RFTN1: variants seen among roughly 807,000 people sequenced by gnomAD.
RFTN1 encodes raftlin, lipid raft linker 1.
Under a neutral mutation model 46.5 loss-of-function variants are expected in RFTN1, and 26 were observed. The observed-to-expected ratio is 0.56, with a 90% CI of 0.41 to 0.78. RFTN1 has a LOEUF of 0.78. RFTN1 is among the 30% of genes least tolerant of loss of function. The pLI is 0.00. For synonymous variants in RFTN1, 261 were observed against 284.2 expected, an observed-to-expected ratio of 0.92 and a Z score of 0.82; for missense variants, 693 against 718.7, an observed-to-expected ratio of 0.96 and a Z score of 0.41.
At position 16,466,852 on chromosome 3, in the gene RFTN1, CAGTG is replaced by C. The variant is rs1411845484; in HGVS notation, c.145+26869_145+26872del. ...ATGGAAGGCAGTCCATCTTTCTAGA[CAGTG>C]AGTATCTAATACAAGTCAAGACACA... is the stretch of plus-strand genomic sequence containing the variant. On this transcript the variant is annotated intron_variant, in intron 2 of 9. Coordinates refer to ENST00000334133, the MANE Select transcript of RFTN1 (RefSeq NM_015150.2). The surrounding 1 kb of genome is among the most constrained non-coding windows in gnomAD (Gnocchi z 5.6). Among the ~76,000 whole-genome samples, 1 of 152,068 alleles carries C rather than the reference CAGTG, an allele frequency of 6.6e-6. No homozygotes were observed. Among genetic ancestry groups the C allele is most frequent in the African/African-American group, 2.4e-5 (1 of 41,416 alleles).
At chr3:16,485,649 G>C (rs547880547) in intron 2 of RFTN1, among the ~76,000 whole-genome samples, 36 of 152,364 alleles carry the variant, frequency 2.4e-4, no homozygotes, top group African/African-American at 8.7e-4. Flanking sequence ...GGCACCTGAG[G>C]GAACTTTCTG....
rs2072842406 is a variant in RFTN1, at chr3:16,361,681, T to C, written c.1031-3634A>G. Among the ~76,000 whole-genome samples the C allele has an allele frequency of 6.6e-6, 1 of 152,104 alleles. No homozygotes were observed. The highest frequency in any genetic ancestry group is 1.5e-5 in the Non-Finnish European group (1 of 68,018). On this transcript the variant is annotated intron_variant, in intron 6 of 9. Transcript: ENST00000334133. This position sits in a 1 kb window ranked among gnomAD's most constrained non-coding sequence, Gnocchi z 4.3. ...AGGAGAGAAGGTGGTTAAGACTAAA[T>C]TGACTGGTGGGGAGGCCAGCCACTT...
intron 4 of RFTN1, among the ~76,000 whole-genome samples, chr3:16,392,061 T>C (rs573536533): frequency 6.6e-6 from 1 of 152,040 alleles, no homozygotes; most frequent in Non-Finnish European, 1.5e-5. Context: ...GTTTCAATAA[T>C]TGAGTATCTC....
In RFTN1 at chr3:16,321,161, G is replaced by C. The variant is rs1031370304; in HGVS notation, c.1332+2215C>G. 6.6e-6 allele frequency among the ~76,000 whole-genome samples: 1 copy of C among 152,110 alleles called. No individual in the cohort carries two copies. Among genetic ancestry groups the C allele is most frequent in the Admixed American group, 6.5e-5 (1 of 15,280 alleles). Reference sequence around the variant, plus strand: ...TAGGGTGGCGGTTGGCCAGGTGGGCGAGGTATGGGGAGGGGGACAGTCATA... The same window carrying C: ...TAGGGTGGCGGTTGGCCAGGTGGGCCAGGTATGGGGAGGGGGACAGTCATA... On this transcript the variant is annotated intron_variant, in intron 9 of 9. Coordinates refer to ENST00000334133, the MANE Select transcript of RFTN1 (RefSeq NM_015150.2). The surrounding 1 kb of genome is among the most constrained non-coding windows in gnomAD (Gnocchi z 4.8).
chr3:16,364,108 T>A (rs1258855304), intron 6 of RFTN1, among the ~76,000 whole-genome samples: 4 of 152,218 alleles, frequency 2.6e-5, no homozygotes, highest in African/African-American at 9.6e-5. Flanking sequence ...ATTCTCAATT[T>A]GAGGCAATGA....
In RFTN1 at chr3:16,335,570, A is replaced by C. The variant is rs1418535549; in HGVS notation, c.1147-8694T>G. 2.0e-5 allele frequency among the ~76,000 whole-genome samples: 3 copies of C among 152,164 alleles called. No homozygotes were observed. Among genetic ancestry groups the C allele is most frequent in the Admixed American group, 6.5e-5 (1 of 15,268 alleles). ...AGTGGGAGAGCTGAACGGTGAAAACACATGTGAAAACACATGGACACATGG... is the reference window on the plus strand; with the variant it reads ...AGTGGGAGAGCTGAACGGTGAAAACCCATGTGAAAACACATGGACACATGG... On this transcript the variant is annotated intron_variant, in intron 7 of 9. Coordinates refer to ENST00000334133, the MANE Select transcript of RFTN1 (RefSeq NM_015150.2). The surrounding 1 kb of genome is among the most constrained non-coding windows in gnomAD (Gnocchi z 4.7).
At chr3:16,363,031 G>C (rs928300468) in intron 6 of RFTN1, among the ~76,000 whole-genome samples, 13 of 152,162 alleles carry the variant, frequency 8.5e-5, no homozygotes, top group Non-Finnish European at 7.4e-5. Context: ...CTGCCTCCCA[G>C]CCTCCCCACC....
In RFTN1 at chr3:16,449,539, G is replaced by A. The variant is rs1348953312; in HGVS notation, c.146-15502C>T. Among the ~76,000 whole-genome samples, 1 of 152,232 alleles carries A rather than the reference G, an allele frequency of 6.6e-6. No homozygotes were observed. The highest frequency in any genetic ancestry group is 1.5e-5 in the Non-Finnish European group (1 of 68,046). ...GGTAACTCCTCCATACACGGGAGCT[G>A]CTAAAATCATTGTTGTTATCACCAT... On this transcript the variant is annotated intron_variant, in intron 2 of 9. Coordinates refer to ENST00000334133, the MANE Select transcript of RFTN1 (RefSeq NM_015150.2). This position sits in a 1 kb window ranked among gnomAD's most constrained non-coding sequence, Gnocchi z 5.1.
At chr3:16,347,739 C>T (rs1172741206) in intron 7 of RFTN1, 1 of 152,228 alleles carries the variant, frequency 6.6e-6, no homozygotes, top group Non-Finnish European at 1.5e-5. Context: ...ACTATATACA[C>T]ATTTGCACTG....
At chr3:16,470,841 T>A (rs147963137) in intron 2 of RFTN1, among the ~76,000 whole-genome samples, 312 of 152,342 alleles carry the variant, frequency 2.0e-3, no homozygotes, top group African/African-American at 7.2e-3. Flanking sequence ...TAAAAAATGT[T>A]ACCCATTTTA....
intron 2 of RFTN1, chr3:16,434,566 A>T (rs191969583): frequency 6.5e-6 from 1 of 152,904 alleles, no homozygotes; most frequent in Admixed American, 6.5e-5. Context: ...AAAATGAAAT[A>T]AAATAAAATA....
At position 16,465,220 on chromosome 3, in the gene RFTN1, T is replaced by TAA. The variant is rs371626480; in HGVS notation, c.145+28503_145+28504dup. On this transcript the variant is annotated intron_variant, in intron 2 of 9. Transcript: ENST00000334133. The surrounding 1 kb of genome is among the most constrained non-coding windows in gnomAD (Gnocchi z 5.1). ...ACTATTCAAGGATGCCACTTCAAGG[T>TAA]AAAAAAAAAAAAAGCCTTAGTATTT... 1.3e-3 allele frequency among the ~76,000 whole-genome samples: 179 copies of TAA among 137,726 alleles called. 1 individual carries two copies. Among genetic ancestry groups the TAA allele is most frequent in the African/African-American group, 4.6e-3 (169 of 37,052 alleles). The allele number at this position is 137,726 out of a possible 152,430, so 90.4% of individuals were successfully genotyped here.
intron 1 of RFTN1, among the ~76,000 whole-genome samples, chr3:16,503,831 AC>A (rs1303380456): frequency 6.6e-6 from 1 of 152,168 alleles, no homozygotes; most frequent in Non-Finnish European, 1.5e-5. Flanking sequence ...TTAATTATAA[AC>A]CACTTCAAAC....
At chr3:16,350,543 TAA>T (rs2072031264) in intron 7 of RFTN1, among the ~76,000 whole-genome samples, 1 of 152,006 alleles carries the variant, frequency 6.6e-6, no homozygotes, top group South Asian at 2.1e-4. Context: ...TACTATTCTG[TAA>T]ACAGGTGTGT....
chr3:16,431,596 T>C (rs62236352), intron 3 of RFTN1, among the ~76,000 whole-genome samples: 34,016 of 152,008 alleles, frequency 0.22, 4,841 homozygotes, highest in African/African-American at 0.41. Context: ...CTGAAGGATG[T>C]GCCAGTGATC....
intron 6 of RFTN1, among the ~76,000 whole-genome samples, chr3:16,366,775 A>C (rs78455407): frequency 0.07 from 8,864 of 126,226 alleles, no homozygotes; most frequent in South Asian, 0.2. Context: ...AGTTTGAATT[A>C]CTGAGACCAG....
rs77830013 is a variant in RFTN1, at chr3:16,507,619, C to T, written c.-9+5823G>A. 9.3e-5 allele frequency among the ~76,000 whole-genome samples: 14 copies of T among 150,332 alleles called. No homozygotes were observed. Among genetic ancestry groups the T allele is most frequent in the African/African-American group, 2.2e-4 (9 of 40,796 alleles). ...TTCAAAACACACACACACACACACACACATACACACACACATGCACACATC... is the reference window on the plus strand; with the variant it reads ...TTCAAAACACACACACACACACACATACATACACACACACATGCACACATC... On this transcript the variant is annotated intron_variant, in intron 1 of 9. Coordinates refer to ENST00000334133, the MANE Select transcript of RFTN1 (RefSeq NM_015150.2). The surrounding 1 kb of genome is among the most constrained non-coding windows in gnomAD (Gnocchi z 7.1).
chr3:16,460,610 C>T lies in RFTN1; in HGVS notation c.146-26573G>A, dbSNP rs1031901461. Among the ~76,000 whole-genome samples the T allele has an allele frequency of 1.5e-5, 2 of 133,690 alleles. No homozygotes were observed. Among genetic ancestry groups the T allele is most frequent in the Admixed American group, 1.5e-4 (2 of 13,406 alleles). 87.7% of individuals were successfully genotyped at this position (133,690 alleles called of 152,430 possible). A position where few individuals can be genotyped will look rare whatever the true frequency, so the allele number is the denominator to read the frequency against. On this transcript the variant is annotated intron_variant, in intron 2 of 9. Coordinates refer to ENST00000334133, the MANE Select transcript of RFTN1 (RefSeq NM_015150.2). This position sits in a 1 kb window ranked among gnomAD's most constrained non-coding sequence, Gnocchi z 4.8. ...GGGTGGGGAATATATATTTTTTTAA[C>T]CTAAATCTTCTTCTCATTTTCTCCT...
chr3:16,349,308 A>G (rs2071936591), intron 7 of RFTN1: 2 of 152,272 alleles, frequency 1.3e-5, no homozygotes, highest in South Asian at 2.1e-4. Flanking sequence ...ACCCTAAGAT[A>G]AAAGTTGGAG....
Sources: allele counts gnomAD v4.1 joint callset (sites outside exome capture counted in the v4.1 genomes callset), GRCh38; gene constraint gnomAD v4.1.1; non-coding constraint Gnocchi (gnomAD v3.1); transcripts MANE v1.5; gene names NCBI Gene and HGNC (gene_info 2026-07-23, HGNC 2026-07-21).